The following MYO1E variants were observed in gnomAD, a reference collection of about 807,000 sequenced individuals.
MYO1E encodes unconventional myosin-Ie.
MYO1E carries 68 observed loss-of-function variants against 151.1 expected under a neutral mutation model. That is an observed-to-expected ratio of 0.45 (90% CI 0.37 to 0.55). MYO1E has a LOEUF of 0.55. MYO1E is among the 20% of genes least tolerant of loss of function. The pLI, the probability that MYO1E is intolerant of heterozygous loss-of-function variation, is 0.00. For synonymous variants in MYO1E, 601 were observed against 501.7 expected, an observed-to-expected ratio of 1.20 and a Z score of -2.64; for missense variants, 1,363 against 1,389.3, an observed-to-expected ratio of 0.98 and a Z score of 0.30.
At chr15:59,149,283 C>T (rs1488109411) in intron 26 of MYO1E, among the ~76,000 whole-genome samples, 1 of 152,044 alleles carries the variant, frequency 6.6e-6, no homozygotes, top group African/African-American at 2.4e-5. Flanking sequence ...GTCTTGATCT[C>T]CTGACCTCGT....
At chr15:59,309,951 TCTC>T (rs1346667386) in intron 1 of MYO1E, among the ~76,000 whole-genome samples, 2 of 152,180 alleles carry the variant, frequency 1.3e-5, no homozygotes, top group African/African-American at 4.8e-5. Flanking sequence ...TCTTAGTGGT[TCTC>T]CTTCAGACCC....
At chr15:59,167,672 A>T (rs527895833) in intron 22 of MYO1E, among the ~76,000 whole-genome samples, 20 of 152,068 alleles carry the variant, frequency 1.3e-4, no homozygotes, top group Middle Eastern at 6.8e-3. Context: ...TTTCACTTTA[A>T]TTTTTATTTA....
At chr15:59,343,690 T>G (rs915614595) in intron 1 of MYO1E, among the ~76,000 whole-genome samples, 1 of 151,990 alleles carries the variant, frequency 6.6e-6, no homozygotes, top group Admixed American at 6.6e-5. Flanking sequence ...GGCTTCATTC[T>G]TTTTTATTCT....
At chr15:59,191,358 G>C (rs1426186249) in intron 17 of MYO1E, among the ~76,000 whole-genome samples, 2 of 150,450 alleles carry the variant, frequency 1.3e-5, no homozygotes, top group Non-Finnish European at 1.5e-5. Flanking sequence ...GAGAGAGAGA[G>C]AGAGAGAGAG....
At chr15:59,154,588 C>A (rs1214374383) in intron 25 of MYO1E, among the ~76,000 whole-genome samples, 1 of 152,136 alleles carries the variant, frequency 6.6e-6, no homozygotes, top group Non-Finnish European at 1.5e-5. Flanking sequence ...TTTGGTGAAC[C>A]CTACCTAAAG....
intron 22 of MYO1E, among the ~76,000 whole-genome samples, chr15:59,168,372 C>G (rs190788009): frequency 4.0e-5 from 6 of 151,888 alleles, no homozygotes; most frequent in Non-Finnish European, 4.4e-5. Flanking sequence ...ATGGGGAAAC[C>G]GTGTCTCTAC....
intron 1 of MYO1E, among the ~76,000 whole-genome samples, chr15:59,357,008 C>G (rs1473942736): frequency 1.3e-5 from 2 of 151,912 alleles, no homozygotes; most frequent in African/African-American, 4.8e-5. Flanking sequence ...CGGGTTCAAG[C>G]AATTCTCCTG....
chr15:59,303,660 G>A (rs906680382), intron 1 of MYO1E, among the ~76,000 whole-genome samples: 3 of 152,214 alleles, frequency 2.0e-5, no homozygotes, highest in Admixed American at 6.5e-5. Context: ...ATCCCACAGC[G>A]AGATGGTATC....
At chr15:59,210,195 A>C (rs74630311) in intron 13 of MYO1E, among the ~76,000 whole-genome samples, 5 of 152,140 alleles carry the variant, frequency 3.3e-5, no homozygotes, top group Admixed American at 6.5e-5. Context: ...CTAAAGTCCT[A>C]GAAGTTGGAC....
intron 1 of MYO1E, among the ~76,000 whole-genome samples, chr15:59,318,136 T>C (rs866730511): frequency 3.9e-5 from 6 of 152,290 alleles, no homozygotes; most frequent in African/African-American, 7.2e-5. Flanking sequence ...TCACCACATG[T>C]AGGACGAACC....
intron 26 of MYO1E, among the ~76,000 whole-genome samples, chr15:59,153,175 C>T (rs2079491506): frequency 6.6e-6 from 1 of 152,194 alleles, no homozygotes; most frequent in South Asian, 2.1e-4. Context: ...CAACAAATAT[C>T]ATATAGAATG....
At chr15:59,250,922 G>C (rs912004170) in intron 4 of MYO1E, among the ~76,000 whole-genome samples, 1 of 152,206 alleles carries the variant, frequency 6.6e-6, no homozygotes, top group Non-Finnish European at 1.5e-5. Flanking sequence ...TTGCAGTGCA[G>C]GTGGAGGGAG....
intron 1 of MYO1E, among the ~76,000 whole-genome samples, chr15:59,273,831 G>C (rs574310849): frequency 6.6e-6 from 1 of 152,252 alleles, no homozygotes; most frequent in African/African-American, 2.4e-5. Context: ...AGTGCAGTGG[G>C]CACTGCACTG....
Position 59,178,549 on chromosome 15 carries a change from T to C in MYO1E, c.1905-12A>G, listed in dbSNP as rs759588591. The C allele has an allele frequency of 8.1e-6, 13 of 1,613,670 alleles. No homozygotes were observed. Among genetic ancestry groups the C allele is most frequent in the Admixed American group, 6.7e-5 (4 of 59,992 alleles). On this transcript the variant is annotated splice_polypyrimidine_tract_variant and intron_variant, in intron 18 of 27. Coordinates refer to ENST00000288235, the MANE Select transcript of MYO1E (RefSeq NM_004998.4). ...TCAGAATGGCATACCTGTGGGGACA[T>C]TGGGGAGAAGAGAATCACACTTGGG...
rs71119441 is a variant in MYO1E, at chr15:59,209,815, C to CTTTTTTTTTTTTTTTTTTTTTTTTTT, written c.1362+673_1362+698dup. 3.2e-4 allele frequency among the ~76,000 whole-genome samples: 16 copies of CTTTTTTTTTTTTTTTTTTTTTTTTTT among 49,838 alleles called. 2 individuals are homozygous for CTTTTTTTTTTTTTTTTTTTTTTTTTT. Among genetic ancestry groups the CTTTTTTTTTTTTTTTTTTTTTTTTTT allele is most frequent in the Non-Finnish European group, 3.8e-4 (11 of 28,758 alleles). The allele number at this position is 49,838 out of a possible 152,430, so 32.7% of individuals were successfully genotyped here. A position where few individuals can be genotyped will look rare whatever the true frequency, so the allele number is the denominator to read the frequency against. ...CTGTATCACTTTTATTTTGAATCACCTTTTTTTTTTTTTTTTTTTTTTTTT... is the reference window on the plus strand; with the variant it reads ...CTGTATCACTTTTATTTTGAATCACCTTTTTTTTTTTTTTTTTTTTTTTTTTTTTTTTTTTTTTTTTTTTTTTTTTT... On this transcript the variant is annotated intron_variant, in intron 13 of 27. Coordinates refer to ENST00000288235, the MANE Select transcript of MYO1E (RefSeq NM_004998.4).
intron 8 of MYO1E, among the ~76,000 whole-genome samples, chr15:59,223,880 C>G (rs1355690701): frequency 6.6e-6 from 1 of 152,228 alleles, no homozygotes; most frequent in African/African-American, 2.4e-5. Context: ...TTCCCCGCAG[C>G]TGCTTTGAGG....
At chr15:59,313,294 C>T (rs2080564039) in intron 1 of MYO1E, among the ~76,000 whole-genome samples, 2 of 152,164 alleles carry the variant, frequency 1.3e-5, no homozygotes, top group South Asian at 4.1e-4. Context: ...ACACACAGAC[C>T]AAATCAGCCA....
chr15:59,297,344 T>C (rs1254691297), intron 1 of MYO1E, among the ~76,000 whole-genome samples: 4 of 150,626 alleles, frequency 2.7e-5, no homozygotes, highest in African/African-American at 9.7e-5. Context: ...CGATTTCAGC[T>C]CACTGCAACC....
Position 59,153,673 on chromosome 15 carries a change from C to T in MYO1E, c.2997G>A (p.Arg999=), listed in dbSNP as rs1438257933. The T allele has an allele frequency of 6.2e-7, 1 of 1,614,066 alleles. No individual in the cohort carries two copies. The highest frequency in any genetic ancestry group is 1.3e-5 in the African/African-American group (1 of 74,924). The part of the protein sequence containing the change: ...YTSMARPPLP[R]QQSTSSDRVS... ...CTCGGTCTGAACTGGTAGACTGCTG[C>T]CGAGGCAAGGGCGGGCGGGCCATGG... Residue 999 remains arginine (R), a synonymous_variant, in exon 26 of 28, where the codon CGG becomes CGA. Transcript: ENST00000288235.
Sources: allele counts gnomAD v4.1 joint callset (sites outside exome capture counted in the v4.1 genomes callset), GRCh38; gene constraint gnomAD v4.1.1; transcripts MANE v1.5; gene names NCBI Gene and HGNC (gene_info 2026-07-23, HGNC 2026-07-21).